The following DENND1B variants were observed in gnomAD, a reference collection of about 807,000 sequenced individuals.
DENND1B encodes DENN domain containing 1B, also known as DENN domain-containing protein 1B.
DENND1B carries 59 observed loss-of-function variants against 90.1 expected under a neutral mutation model. The ratio of observed to expected loss-of-function variants is 0.65; its 90% CI spans 0.53 to 0.81. The LOEUF is 0.81. Among genes scored for constraint, DENND1B ranks in the 40% least tolerant of loss-of-function variants. The probability of loss-of-function intolerance (pLI) is 0.00; values close to 1 mark genes in which losing one functional copy is unlikely to be tolerated. For missense variants in DENND1B, 862 were observed against 912.6 expected (o/e 0.94, Z 0.71); for synonymous variants, 337 against 324.6 (o/e 1.04, Z -0.41).
At chr1:197,766,183 C>T (rs1337795208) in intron 2 of DENND1B, among the ~76,000 whole-genome samples, 2 of 152,198 alleles carry the variant, frequency 1.3e-5, no homozygotes, top group South Asian at 2.1e-4. Flanking sequence ...GATTCTCCCA[C>T]CTCTTCCTCC....
At chr1:197,603,502 T>G (rs1676391841) in intron 13 of DENND1B, among the ~76,000 whole-genome samples, 1 of 151,208 alleles carries the variant, frequency 6.6e-6, no homozygotes. Context: ...CTAATAAGTT[T>G]AAATTATTAG....
chr1:197,688,260 GATTCA>G (rs1315817131), intron 3 of DENND1B, among the ~76,000 whole-genome samples: 1 of 152,020 alleles, frequency 6.6e-6, no homozygotes, highest in Admixed American at 6.6e-5. Flanking sequence ...GCAATCTACA[GATTCA>G]ATGCAATCCC....
chr1:197,599,972 T>A, intron 13 of DENND1B, among the ~76,000 whole-genome samples: 1 of 151,836 alleles, frequency 6.6e-6, no homozygotes, highest in South Asian at 2.1e-4. Context: ...ATTCTTTTGT[T>A]TATTTCACTA....
chr1:197,745,721 A>G (rs56044005), intron 2 of DENND1B, among the ~76,000 whole-genome samples: 2 of 150,726 alleles, frequency 1.3e-5, no homozygotes, highest in Non-Finnish European at 3.0e-5. Flanking sequence ...TAATACAATT[A>G]CACCATTTTC....
upstream of DENND1B, among the ~76,000 whole-genome samples, chr1:197,777,053 C>A (rs1657305649): frequency 6.6e-6 from 1 of 151,920 alleles, no homozygotes; most frequent in Non-Finnish European, 1.5e-5. Context: ...GTTTTCTTTT[C>A]CCAAATAAAG....
At chr1:197,780,240 A>C (rs1775440), upstream of DENND1B, among the ~76,000 whole-genome samples, 138,728 of 152,084 alleles carry the variant, frequency 0.91, 63,523 homozygotes, top group East Asian at 1. Context: ...GGGTCTGAAG[A>C]CCCATAAGAC....
upstream of DENND1B, among the ~76,000 whole-genome samples, chr1:197,778,336 A>C (rs1044663288): frequency 1.3e-5 from 2 of 152,138 alleles, no homozygotes; most frequent in African/African-American, 4.8e-5. Context: ...GATCATCTTT[A>C]GCTCTTACAT....
At chr1:197,576,093 CAG>C (rs1673657589) in intron 15 of DENND1B, among the ~76,000 whole-genome samples, 1 of 150,806 alleles carries the variant, frequency 6.6e-6, no homozygotes, top group Non-Finnish European at 1.5e-5. Context: ...AAAAAGAAAA[CAG>C]AAAAAGAAAA....
At chr1:197,722,835 A>G (rs1661307530) in intron 2 of DENND1B, among the ~76,000 whole-genome samples, 1 of 152,188 alleles carries the variant, frequency 6.6e-6, no homozygotes, top group South Asian at 2.1e-4. Context: ...AAAACTAAGC[A>G]ATTTTGAAAA....
chr1:197,608,180 T>C (rs1275190357), intron 12 of DENND1B, among the ~76,000 whole-genome samples: 2 of 150,612 alleles, frequency 1.3e-5, no homozygotes, highest in Admixed American at 6.6e-5. Flanking sequence ...TTATTCTAAG[T>C]TGGTCATAAT....
At chr1:197,757,989 T>C (rs1178022924) in intron 2 of DENND1B, among the ~76,000 whole-genome samples, 1 of 152,350 alleles carries the variant, frequency 6.6e-6, no homozygotes, top group African/African-American at 2.4e-5. Flanking sequence ...CTTATCAATA[T>C]TAGCTCTTAG....
At chr1:197,625,964 A>G (rs979698867) in intron 10 of DENND1B, among the ~76,000 whole-genome samples, 15 of 152,162 alleles carry the variant, frequency 9.9e-5, no homozygotes, top group African/African-American at 2.9e-4. Flanking sequence ...TTCAACAAGA[A>G]GAGCTAACTG....
chr1:197,530,783 T>C (rs1307703985), intron 20 of DENND1B, among the ~76,000 whole-genome samples: 1 of 152,208 alleles, frequency 6.6e-6, no homozygotes, highest in Non-Finnish European at 1.5e-5. Flanking sequence ...ACATTATCTA[T>C]AATGCCTATA....
intron 6 of DENND1B, among the ~76,000 whole-genome samples, chr1:197,657,130 G>T (rs2125949099): frequency 6.6e-6 from 1 of 152,130 alleles, no homozygotes; most frequent in East Asian, 1.9e-4. Flanking sequence ...CAAAAAGGCA[G>T]GCAAACCATA....
chr1:197,569,465 C>T (rs1327679953), intron 15 of DENND1B, among the ~76,000 whole-genome samples: 2 of 151,980 alleles, frequency 1.3e-5, no homozygotes, highest in Admixed American at 1.3e-4. Context: ...GAAGATCTAT[C>T]TGCATTACAT....
At chr1:197,608,103 T>C (rs1676856500) in intron 12 of DENND1B, among the ~76,000 whole-genome samples, 2 of 150,666 alleles carry the variant, frequency 1.3e-5, no homozygotes, top group Admixed American at 1.3e-4. Flanking sequence ...TCTACAATAA[T>C]AGTCATTTTT....
At chr1:197,667,247 C>A (rs1449787011) in intron 5 of DENND1B, among the ~76,000 whole-genome samples, 1 of 151,990 alleles carries the variant, frequency 6.6e-6, no homozygotes, top group Non-Finnish European at 1.5e-5. Flanking sequence ...CATAGAATTT[C>A]TCCAAGCATC....
chr1:197,572,967 T>G (rs1394009291), intron 15 of DENND1B, among the ~76,000 whole-genome samples: 1 of 152,226 alleles, frequency 6.6e-6, no homozygotes, highest in Non-Finnish European at 1.5e-5. Context: ...TTTGAATTTC[T>G]GTGGGATCGG....
At chr1:197,620,108 A>G (rs1392091782) in intron 10 of DENND1B, among the ~76,000 whole-genome samples, 1 of 151,314 alleles carries the variant, frequency 6.6e-6, no homozygotes, top group Admixed American at 6.6e-5. Context: ...ACCATGAGAC[A>G]CCTAAATGGA....
Sources: allele counts gnomAD v4.1 joint callset (sites outside exome capture counted in the v4.1 genomes callset), GRCh38; gene constraint gnomAD v4.1.1; transcripts MANE v1.5; gene names NCBI Gene and HGNC (gene_info 2026-07-23, HGNC 2026-07-21).